Variants in SGF29 observed in about 807,000 individuals in gnomAD.
The protein encoded by SGF29 is SAGA complex associated factor 29.
SGF29 carries 15 observed loss-of-function variants against 38.1 expected under a neutral mutation model. The ratio of observed to expected loss-of-function variants is 0.39; its 90% CI spans 0.26 to 0.61. The LOEUF (loss-of-function observed/expected upper bound fraction) is 0.61, where lower values mean the gene tolerates loss of function less well. Among genes scored for constraint, SGF29 ranks in the 20% least tolerant of loss-of-function variants. The probability of loss-of-function intolerance (pLI) is 0.49; values close to 1 mark genes in which losing one functional copy is unlikely to be tolerated. For missense variants in SGF29, 184 were observed against 394.6 expected, an observed-to-expected ratio of 0.47 and a Z score of 4.52; for synonymous variants, 151 against 160.8, an observed-to-expected ratio of 0.94 and a Z score of 0.46.
At chr16:28,564,789 A>T (rs2046826671) in intron 1 of SGF29, among the ~76,000 whole-genome samples, 1 of 128,908 alleles carries the variant, frequency 7.8e-6, no homozygotes, top group African/African-American at 2.9e-5. Flanking sequence ...ATATATATAC[A>T]CACACACACA....
chr16:28,558,156 A>C (rs1230983696), intron 1 of SGF29, among the ~76,000 whole-genome samples: 1 of 143,712 alleles, frequency 7.0e-6, no homozygotes, highest in East Asian at 2.0e-4. Context: ...GCCAGGCTGG[A>C]GTGCAGTGGT....
At chr16:28,573,249 C>G (rs1033394315) in intron 1 of SGF29, among the ~76,000 whole-genome samples, 18 of 152,098 alleles carry the variant, frequency 1.2e-4, no homozygotes, top group African/African-American at 4.4e-4. Flanking sequence ...AGCCAGGCTC[C>G]AGCCCAGAGG....
At chr16:28,561,203 G>A (rs959798263) in intron 1 of SGF29, among the ~76,000 whole-genome samples, 2 of 151,878 alleles carry the variant, frequency 1.3e-5, no homozygotes, top group Non-Finnish European at 2.9e-5. Context: ...ACCAGCCTGG[G>A]CAACATAGTG....
chr16:28,558,962 TTAGA>T (rs1157683196), intron 1 of SGF29, among the ~76,000 whole-genome samples: 1 of 152,154 alleles, frequency 6.6e-6, no homozygotes, highest in African/African-American at 2.4e-5. Flanking sequence ...TGTTCTAAAA[TTAGA>T]TAGTGGTGAT....
chr16:28,564,596 C>CATATATATACGT (rs538810479), intron 1 of SGF29, among the ~76,000 whole-genome samples: 1 of 109,106 alleles, frequency 9.2e-6, no homozygotes, highest in African/African-American at 3.5e-5. Flanking sequence ...TATATACACA[C>CATATATATACGT]ATATATGTGT....
At chr16:28,588,897 G>T (rs545509655) in intron 4 of SGF29, among the ~76,000 whole-genome samples, 1 of 152,204 alleles carries the variant, frequency 6.6e-6, no homozygotes, top group South Asian at 2.1e-4. Flanking sequence ...CATGAGGTTG[G>T]TCTGAATAAC....
chr16:28,556,720 A>C (rs2046754854), intron 1 of SGF29, among the ~76,000 whole-genome samples: 1 of 151,130 alleles, frequency 6.6e-6, no homozygotes, highest in Non-Finnish European at 1.5e-5. Context: ...ATTATAGCTC[A>C]TTATTCCCAA....
At chr16:28,589,243 TG>T in intron 5 of SGF29, 79 bp downstream of exon 5, 1 of 1,457,732 alleles carries the variant, frequency 6.9e-7, no homozygotes, top group Non-Finnish European at 9.6e-7. Flanking sequence ...CACCCTCCTG[TG>T]GGGGCCTGTG....
chr16:28,578,249 G>A (rs2046906174), intron 1 of SGF29, among the ~76,000 whole-genome samples: 1 of 151,820 alleles, frequency 6.6e-6, no homozygotes, highest in African/African-American at 2.4e-5. Context: ...GGATTCCTTA[G>A]GGTTTTCTAT....
At chr16:28,573,318 G>C (rs2046876199) in intron 1 of SGF29, among the ~76,000 whole-genome samples, 1 of 152,182 alleles carries the variant, frequency 6.6e-6, no homozygotes, top group African/African-American at 2.4e-5. Context: ...AGCCAGAGGA[G>C]AAGGGAGTAG....
chr16:28,574,062 G>A (rs372233212), intron 1 of SGF29, among the ~76,000 whole-genome samples: 57 of 152,320 alleles, frequency 3.7e-4, no homozygotes, highest in East Asian at 2.1e-3. Flanking sequence ...AAATCTGTAC[G>A]GGTTTGCAGC....
At chr16:28,586,994 C>T (rs367778259) in intron 4 of SGF29, among the ~76,000 whole-genome samples, 31 of 152,130 alleles carry the variant, frequency 2.0e-4, no homozygotes, top group African/African-American at 6.7e-4. Context: ...ACAATAGGCA[C>T]CTGCCACCAC....
chr16:28,567,904 T>A (rs1340641474), intron 1 of SGF29, among the ~76,000 whole-genome samples: 2 of 152,190 alleles, frequency 1.3e-5, no homozygotes, highest in Non-Finnish European at 2.9e-5. Flanking sequence ...GGGCCAAGGT[T>A]GAGGACTGCA....
intron 1 of SGF29, among the ~76,000 whole-genome samples, chr16:28,558,363 C>T (rs2046765929): frequency 6.6e-6 from 1 of 151,880 alleles, no homozygotes; most frequent in African/African-American, 2.4e-5. Context: ...ATCCACCCGC[C>T]TTGGCCTTCC....
At chr16:28,573,365 C>T (rs928896289) in intron 1 of SGF29, among the ~76,000 whole-genome samples, 2 of 152,106 alleles carry the variant, frequency 1.3e-5, no homozygotes, top group Non-Finnish European at 1.5e-5. Flanking sequence ...TCGGAAGCAG[C>T]AGAGAGGGCC....
intron 1 of SGF29, among the ~76,000 whole-genome samples, chr16:28,564,459 G>A (rs1294859897): frequency 2.7e-5 from 4 of 148,668 alleles, no homozygotes; most frequent in African/African-American, 7.5e-5. Flanking sequence ...ACTGGGGAGC[G>A]TGGAGGCCTG....
chr16:28,563,676 T>G (rs2046803201), intron 1 of SGF29, among the ~76,000 whole-genome samples: 1 of 151,822 alleles, frequency 6.6e-6, no homozygotes, highest in Non-Finnish European at 1.5e-5. Context: ...TATTGTTTAC[T>G]CAGTTTTGTG....
intron 2 of SGF29, among the ~76,000 whole-genome samples, chr16:28,584,595 C>G (rs2046944387): frequency 1.3e-5 from 2 of 152,112 alleles, no homozygotes; most frequent in African/African-American, 4.8e-5. Flanking sequence ...CGAGACCATC[C>G]TGGCTAAGAC....
intron 1 of SGF29, among the ~76,000 whole-genome samples, chr16:28,573,670 G>A (rs2046878364): frequency 6.6e-6 from 1 of 152,186 alleles, no homozygotes; most frequent in African/African-American, 2.4e-5. Flanking sequence ...CACAAATGAA[G>A]ACTGTTTTTC....
Sources: gnomAD v4.1 joint callset for allele counts (sites outside exome capture counted in the v4.1 genomes callset) on GRCh38, gnomAD v4.1.1 for gene constraint, MANE v1.5 for transcripts, NCBI Gene and HGNC (gene_info 2026-07-23, HGNC 2026-07-21) for gene names.